FILIP1: variants seen among roughly 807,000 people sequenced by gnomAD.
FILIP1 encodes filamin A interacting protein 1.
Under a neutral mutation model 102.1 loss-of-function variants are expected in FILIP1, and 61 were observed. That is an observed-to-expected ratio of 0.60 (90% confidence interval 0.49 to 0.74). The LOEUF (loss-of-function observed/expected upper bound fraction) is 0.74. FILIP1 is among the 30% of genes least tolerant of loss of function. The pLI, the probability that FILIP1 is intolerant of heterozygous loss-of-function variation, is 0.00. For synonymous variants in FILIP1, 491 were observed against 526.9 expected (o/e 0.93, Z 0.93); for missense variants, 1,314 against 1,441.2 (o/e 0.91, Z 1.43).
At chr6:75,324,055 T>C (rs1773750241) in intron 4 of FILIP1, among the ~76,000 whole-genome samples, 1 of 152,066 alleles carries the variant, frequency 6.6e-6, no homozygotes, top group Non-Finnish European at 1.5e-5. Flanking sequence ...CAGTCTTAGG[T>C]GGTGTCTTTG....
In FILIP1 at chr6:75,384,741, A is replaced by T. The variant is rs553626775; in HGVS notation, c.277-21824T>A. 4.6e-5 allele frequency: 7 copies of T among 151,964 alleles called. No individual in the cohort carries two copies. The East Asian group carries it at 1.4e-3, about 29-fold the overall frequency. 9.4% of individuals were successfully genotyped at this position (151,964 alleles called of 1,614,324 possible). On this transcript the variant is annotated intron_variant, in intron 2 of 5. Transcript: ENST00000237172. The stretch of plus-strand genomic sequence containing the variant: ...TCTAATTGGCTCCAAGCCTTAGTGG[A>T]CCATTTGATTTATAGAATCAGAATA...
At chr6:75,474,744 G>A (rs905786897) in intron 1 of FILIP1, among the ~76,000 whole-genome samples, 6 of 152,096 alleles carry the variant, frequency 3.9e-5, no homozygotes, top group Non-Finnish European at 7.4e-5. Flanking sequence ...GTCCCCACTC[G>A]AATCTCATAT....
intron 4 of FILIP1, among the ~76,000 whole-genome samples, chr6:75,324,728 A>G (rs535568415): frequency 2.6e-4 from 40 of 152,374 alleles, no homozygotes; most frequent in African/African-American, 9.1e-4. Flanking sequence ...TTGTACTGGT[A>G]TAAAAATAAG....
chr6:75,448,633 A>G (rs893789347), intron 1 of FILIP1, among the ~76,000 whole-genome samples: 1 of 152,158 alleles, frequency 6.6e-6, no homozygotes, highest in Non-Finnish European at 1.5e-5. Context: ...CAGAATCTAC[A>G]AGGAATATAA....
intron 4 of FILIP1, chr6:75,319,240 T>C: frequency 1.2e-5 from 9 of 726,236 alleles, no homozygotes; most frequent in Non-Finnish European, 2.0e-5. Context: ...TTCATAAGGC[T>C]GCTTGTCATC....
intron 2 of FILIP1, among the ~76,000 whole-genome samples, chr6:75,403,769 A>C (rs1209469809): frequency 6.6e-6 from 1 of 152,224 alleles, no homozygotes; most frequent in African/African-American, 2.4e-5. Context: ...CAGTCTAAGC[A>C]ATTTAGACTT....
intron 4 of FILIP1, among the ~76,000 whole-genome samples, chr6:75,340,555 C>G (rs556333732): frequency 6.6e-6 from 1 of 152,236 alleles, no homozygotes; most frequent in African/African-American, 2.4e-5. Context: ...TCCATCAGCT[C>G]TATTGGTCTG....
At chr6:75,398,244 GC>G (rs1293488972) in intron 2 of FILIP1, 1 of 152,146 alleles carries the variant, frequency 6.6e-6, no homozygotes, top group Non-Finnish European at 1.5e-5. Context: ...TCTGTTGACA[GC>G]CATATGATAT....
chr6:75,352,220 T>C (rs1468882710), intron 4 of FILIP1, among the ~76,000 whole-genome samples: 1 of 152,250 alleles, frequency 6.6e-6, no homozygotes, highest in Non-Finnish European at 1.5e-5. Context: ...ATCTCTTTTT[T>C]GTAACTAAAT....
intron 2 of FILIP1, among the ~76,000 whole-genome samples, chr6:75,380,384 T>C (rs1482356482): frequency 6.8e-6 from 1 of 147,246 alleles, no homozygotes; most frequent in Non-Finnish European, 1.5e-5. Flanking sequence ...AAGAAACAGT[T>C]CAACTCAACT....
chr6:75,427,601 C>T lies in FILIP1; in HGVS notation c.-6-12623G>A, dbSNP rs187943243. On this transcript the variant is annotated intron_variant, in intron 1 of 5. Coordinates refer to ENST00000237172, the MANE Select transcript of FILIP1 (RefSeq NM_015687.5). ...TAAGAGGGAATGGTACAGGAGTACT[C>T]TGCCCCAAAACTATCGATTGCGTCT... is the stretch of plus-strand genomic sequence containing the variant. Among the ~76,000 whole-genome samples the T allele has an allele frequency of 6.4e-3, 975 of 152,260 alleles. 13 individuals carry two copies. Among genetic ancestry groups the T allele is most frequent in the Middle Eastern group, 0.01 (3 of 294 alleles).
At chr6:75,431,170 C>G (rs1777810772) in intron 1 of FILIP1, among the ~76,000 whole-genome samples, 2 of 152,010 alleles carry the variant, frequency 1.3e-5, no homozygotes, top group Non-Finnish European at 2.9e-5. Flanking sequence ...AGCATGAGGG[C>G]AGAGGAAGGT....
intron 1 of FILIP1, 124 bp from the exon 2 acceptor site, chr6:75,415,102 T>G: frequency 1.1e-6 from 1 of 922,052 alleles, no homozygotes; most frequent in Non-Finnish European, 1.6e-6. Context: ...CAAATTAACA[T>G]GTCATTAAAA....
chr6:75,435,271 T>G (rs2149712835), intron 1 of FILIP1, among the ~76,000 whole-genome samples: 1 of 152,314 alleles, frequency 6.6e-6, no homozygotes, highest in African/African-American at 2.4e-5. Context: ...TGGCTGTTGA[T>G]TTTTTTCAAA....
At chr6:75,393,630 A>C (rs1321523747) in intron 2 of FILIP1, among the ~76,000 whole-genome samples, 2 of 152,226 alleles carry the variant, frequency 1.3e-5, no homozygotes, top group African/African-American at 4.8e-5. Context: ...GTAGATTCAA[A>C]TATTATAGGA....
intron 2 of FILIP1, among the ~76,000 whole-genome samples, chr6:75,368,632 C>A (rs1377989649): frequency 6.6e-6 from 1 of 152,046 alleles, no homozygotes; most frequent in Non-Finnish European, 1.5e-5. Flanking sequence ...GGATTAAGGA[C>A]CTGAATTCTC....
intron 1 of FILIP1, among the ~76,000 whole-genome samples, chr6:75,441,360 G>T (rs1241990859): frequency 2.6e-5 from 4 of 152,178 alleles, no homozygotes; most frequent in African/African-American, 9.7e-5. Context: ...AGAACAAAAT[G>T]AAGTCTCCCA....
chr6:75,301,108 CTA>C (rs1344130343), intron 6 of FILIP1, among the ~76,000 whole-genome samples: 2 of 152,180 alleles, frequency 1.3e-5, no homozygotes, highest in Non-Finnish European at 2.9e-5. Context: ...TGTTCTAAGT[CTA>C]TGGCTAGTCA....
At chr6:75,304,975 G>A (rs1200529781), downstream of FILIP1, among the ~76,000 whole-genome samples, 1 of 152,196 alleles carries the variant, frequency 6.6e-6, no homozygotes, top group African/African-American at 2.4e-5. Flanking sequence ...GGGCATGGAA[G>A]GAGACTGGGC....
Sources: gnomAD v4.1 joint callset for allele counts (sites outside exome capture counted in the v4.1 genomes callset) on GRCh38, gnomAD v4.1.1 for gene constraint, MANE v1.5 for transcripts, NCBI Gene and HGNC (gene_info 2026-07-23, HGNC 2026-07-21) for gene names.